LUZP2: variants seen among roughly 807,000 people sequenced by gnomAD.
The protein encoded by LUZP2 is leucine zipper protein 2.
A neutral mutation model predicts 51.6 loss-of-function variants in LUZP2; 52 were observed. The observed-to-expected ratio is 1.01, with a 90% CI of 0.81 to 1.27. The LOEUF (loss-of-function observed/expected upper bound fraction) is 1.27, where lower values mean the gene tolerates loss of function less well. Ranked by LOEUF, LUZP2 falls within the 50% of genes most tolerant of loss-of-function variation. The probability of loss-of-function intolerance (pLI) is 0.00; values close to 1 mark genes in which losing one functional copy is unlikely to be tolerated. For missense variants in LUZP2, 436 were observed against 395.4 expected (o/e 1.10, Z -0.87); for synonymous variants, 154 against 137.3 (o/e 1.12, Z -0.85).
intron 7 of LUZP2, among the ~76,000 whole-genome samples, chr11:24,970,109 G>A (rs1471993578): frequency 6.6e-6 from 1 of 152,020 alleles, no homozygotes; most frequent in Non-Finnish European, 1.5e-5. Context: ...CTGTGTCTCT[G>A]GTAGGTTTAC....
intron 1 of LUZP2, among the ~76,000 whole-genome samples, chr11:24,653,944 T>C (rs1239504917): frequency 2.0e-5 from 3 of 152,200 alleles, no homozygotes; most frequent in Admixed American, 6.5e-5. Context: ...GTGCAAATTA[T>C]GTAAGTCTAA....
chr11:24,931,708 A>G (rs772381431), intron 7 of LUZP2, among the ~76,000 whole-genome samples: 1 of 152,174 alleles, frequency 6.6e-6, no homozygotes, highest in Non-Finnish European at 1.5e-5. Context: ...TAGCTTAACA[A>G]TTGACCTTCT....
intron 9 of LUZP2, among the ~76,000 whole-genome samples, chr11:25,044,964 A>G (rs1858248777): frequency 1.3e-5 from 2 of 150,606 alleles, no homozygotes; most frequent in African/African-American, 4.9e-5. Flanking sequence ...CAAGGACAAA[A>G]AACCAAACAC....
intron 9 of LUZP2, among the ~76,000 whole-genome samples, chr11:24,983,894 A>G (rs1351243845): frequency 6.6e-6 from 1 of 150,842 alleles, no homozygotes; most frequent in African/African-American, 2.4e-5. Context: ...GTTCAAGTTT[A>G]AGGACAACTC....
chr11:24,999,839 G>C (rs952173200), intron 9 of LUZP2, among the ~76,000 whole-genome samples: 1 of 152,138 alleles, frequency 6.6e-6, no homozygotes, highest in Admixed American at 6.5e-5. Context: ...GCAGACCCTC[G>C]TGTTGAGTAT....
At chr11:24,988,058 G>A (rs1297790031) in intron 9 of LUZP2, among the ~76,000 whole-genome samples, 1 of 152,002 alleles carries the variant, frequency 6.6e-6, no homozygotes, top group African/African-American at 2.4e-5. Flanking sequence ...AGGACTCTAA[G>A]AAGTAAGCTT....
At chr11:24,911,215 A>C (rs1201821625) in intron 6 of LUZP2, among the ~76,000 whole-genome samples, 2 of 152,106 alleles carry the variant, frequency 1.3e-5, no homozygotes, top group Admixed American at 1.3e-4. Context: ...GCAGAAGGGA[A>C]TTGTGTTCTC....
At chr11:24,948,466 G>A (rs1363301679) in intron 7 of LUZP2, among the ~76,000 whole-genome samples, 3 of 151,610 alleles carry the variant, frequency 2.0e-5, no homozygotes, top group Non-Finnish European at 4.4e-5. Flanking sequence ...AATGCCATCT[G>A]TTTCTTAAAT....
At chr11:25,068,436 TA>T (rs1859058043) in intron 10 of LUZP2, among the ~76,000 whole-genome samples, 1 of 151,996 alleles carries the variant, frequency 6.6e-6, no homozygotes, top group East Asian at 1.9e-4. Flanking sequence ...TATTAAAACC[TA>T]ACTTCTAACA....
intron 9 of LUZP2, among the ~76,000 whole-genome samples, chr11:25,024,181 G>A (rs980442783): frequency 2.6e-5 from 4 of 152,026 alleles, no homozygotes; most frequent in African/African-American, 9.7e-5. Flanking sequence ...TCAATTCCTG[G>A]ATATCCTTGT....
Position 24,763,291 on chromosome 11 carries a change from C to A in LUZP2, c.379C>A (p.Arg127=). 1 of 1,378,732 alleles carries A rather than the reference C, an allele frequency of 7.3e-7. No individual in the cohort carries two copies. The highest frequency in any genetic ancestry group is 9.6e-7 in the Non-Finnish European group (1 of 1,042,346). 85.4% of individuals were successfully genotyped at this position (1,378,732 alleles called of 1,614,324 possible). The change falls in exon 5 of 12, where the codon CGA becomes AGA. Residue 127 remains arginine (R), a synonymous_variant. Transcript: ENST00000336930. ...AGTTGAAAGAAAGAGCAAAATGATC[C>A]GAGACCTCCAGAATGAGGTAAGATA... ...TEVERKSKMI[R]DLQNENKSLK...
intron 1 of LUZP2, among the ~76,000 whole-genome samples, chr11:24,607,055 C>T (rs1474782916): frequency 6.6e-6 from 1 of 151,860 alleles, no homozygotes; most frequent in Non-Finnish European, 1.5e-5. Context: ...AATCTCTTAT[C>T]AGTTAAATTA....
chr11:24,710,493 T>TA (rs1012627772), intron 1 of LUZP2, among the ~76,000 whole-genome samples: 4 of 152,242 alleles, frequency 2.6e-5, no homozygotes, highest in East Asian at 3.9e-4. Context: ...ATGAAGTTAA[T>TA]AAAAAAACTA....
At chr11:24,745,914 G>T (rs1268486948) in intron 4 of LUZP2, among the ~76,000 whole-genome samples, 2 of 152,102 alleles carry the variant, frequency 1.3e-5, no homozygotes, top group African/African-American at 4.8e-5. Flanking sequence ...CTGACCTCAG[G>T]TGATCCACCA....
chr11:24,896,291 G>A (rs1853047224), intron 5 of LUZP2, among the ~76,000 whole-genome samples: 1 of 152,092 alleles, frequency 6.6e-6, no homozygotes. Context: ...TGTGGAGGGA[G>A]AGGCGCCGCC....
At chr11:24,865,563 G>T (rs535016842) in intron 5 of LUZP2, among the ~76,000 whole-genome samples, 1 of 152,092 alleles carries the variant, frequency 6.6e-6, no homozygotes, top group East Asian at 1.9e-4. Context: ...TTAACATTAT[G>T]GGATTACCAA....
chr11:24,841,419 T>C (rs1336799591), intron 5 of LUZP2, among the ~76,000 whole-genome samples: 1 of 152,058 alleles, frequency 6.6e-6, no homozygotes, highest in Non-Finnish European at 1.5e-5. Flanking sequence ...GTATTTTTGT[T>C]ACACCAGCCC....
At chr11:24,568,302 G>GT (rs1434420569) in intron 1 of LUZP2, among the ~76,000 whole-genome samples, 2 of 145,228 alleles carry the variant, frequency 1.4e-5, no homozygotes, top group Non-Finnish European at 3.0e-5. Flanking sequence ...AAAGGTTGCA[G>GT]TAAGTCAAGA....
At chr11:24,553,222 G>T (rs1474376912) in intron 1 of LUZP2, among the ~76,000 whole-genome samples, 1 of 151,528 alleles carries the variant, frequency 6.6e-6, no homozygotes, top group East Asian at 1.9e-4. Context: ...AGAAGGAAGG[G>T]GCCAAAAACA....
Sources: allele counts gnomAD v4.1 joint callset (sites outside exome capture counted in the v4.1 genomes callset), GRCh38; gene constraint gnomAD v4.1.1; transcripts MANE v1.5; gene names NCBI Gene and HGNC (gene_info 2026-07-23, HGNC 2026-07-21).